The following ATP9A variants were observed in gnomAD, a reference collection of about 807,000 sequenced individuals.
ATP9A encodes ATPase phospholipid transporting 9A, also known as probable phospholipid-transporting ATPase IIA.
In ATP9A, 52 loss-of-function variants were observed where a neutral mutation model predicts 144.1. The ratio of observed to expected loss-of-function variants is 0.36; its 90% CI spans 0.29 to 0.45. The LOEUF is 0.45. Among genes scored for constraint, ATP9A ranks in the 20% least tolerant of loss-of-function variants. The pLI, the probability that ATP9A is intolerant of heterozygous loss-of-function variation, is 1.00. For missense variants in ATP9A, 947 were observed against 1,392.7 expected (o/e 0.68, Z 5.09); for synonymous variants, 582 against 557.4 (o/e 1.04, Z -0.62).
chr20:51,738,365 G>A (rs1437795939), intron 1 of ATP9A, among the ~76,000 whole-genome samples: 1 of 152,122 alleles, frequency 6.6e-6, no homozygotes, highest in Non-Finnish European at 1.5e-5. Flanking sequence ...AAATTGAACT[G>A]CATATAGATT....
chr20:51,736,569 G>T (rs964027273), intron 1 of ATP9A, among the ~76,000 whole-genome samples: 12 of 151,478 alleles, frequency 7.9e-5, no homozygotes, highest in African/African-American at 2.9e-4. Context: ...GCCCAGGCAG[G>T]TCTCGAACTC....
rs760918719 is a variant in ATP9A at position 51,676,223 on chromosome 20, A to C, written c.800-15T>G. 1.4e-5 allele frequency: 21 copies of C among 1,549,288 alleles called. No individual in the cohort carries two copies. Among genetic ancestry groups the C allele is most frequent in the Non-Finnish European group, 1.8e-5 (21 of 1,146,530 alleles). Reference sequence around the variant, plus strand: ...CACAACAGTACCTAAAATGGAAAAAAGAAAAAAAAAAAAAGAAAAGAAATA... The same window carrying C: ...CACAACAGTACCTAAAATGGAAAAACGAAAAAAAAAAAAAGAAAAGAAATA... On this transcript the variant is annotated splice_polypyrimidine_tract_variant and intron_variant, in intron 9 of 27. Transcript: ENST00000338821.
Position 51,744,282 on chromosome 20 carries a change from C to T in ATP9A, c.69-14304G>A, listed in dbSNP as rs184930782. Reference sequence around the variant, plus strand: ...CCAGGCTCAAGTGATCCTCCCATGTCAGCCTCCTGAGTAGCTGGGACTACA... The same window carrying T: ...CCAGGCTCAAGTGATCCTCCCATGTTAGCCTCCTGAGTAGCTGGGACTACA... On this transcript the variant is annotated intron_variant, in intron 1 of 27. Transcript: ENST00000338821. 3.0e-3 allele frequency among the ~76,000 whole-genome samples: 460 copies of T among 152,206 alleles called. 2 individuals carry two copies. Among genetic ancestry groups the T allele is most frequent in the African/African-American group, 0.011 (442 of 41,536 alleles).
At chr20:51,662,013 G>A (rs2077412925) in intron 13 of ATP9A, among the ~76,000 whole-genome samples, 1 of 152,188 alleles carries the variant, frequency 6.6e-6, no homozygotes, top group Non-Finnish European at 1.5e-5. Flanking sequence ...GGGGACAGGG[G>A]TACTATAGAA....
At chr20:51,648,839 T>A (rs1380369679) in intron 14 of ATP9A, among the ~76,000 whole-genome samples, 1 of 151,964 alleles carries the variant, frequency 6.6e-6, no homozygotes, top group East Asian at 1.9e-4. Flanking sequence ...CTCAAAAAAA[T>A]AAGCAAAACA....
intron 3 of ATP9A, among the ~76,000 whole-genome samples, chr20:51,718,339 CT>C (rs966738843): frequency 6.6e-6 from 1 of 150,664 alleles, no homozygotes; most frequent in African/African-American, 2.4e-5. Context: ...AGGGTAGTAG[CT>C]ACACAGGTGA....
intron 1 of ATP9A, among the ~76,000 whole-genome samples, chr20:51,755,437 T>C (rs115108762): frequency 0.015 from 2,250 of 149,740 alleles, 69 homozygotes; most frequent in African/African-American, 0.053. Context: ...TCCATCTCAA[T>C]TAAAAAAAAA....
At chr20:51,721,952 AT>A (rs1430472522) in intron 3 of ATP9A, among the ~76,000 whole-genome samples, 1 of 152,240 alleles carries the variant, frequency 6.6e-6, no homozygotes, top group African/African-American at 2.4e-5. Flanking sequence ...CTATAAGGCC[AT>A]AGTCACCAAA....
intron 15 of ATP9A, among the ~76,000 whole-genome samples, chr20:51,637,348 T>C (rs1433338607): frequency 7.0e-6 from 1 of 143,848 alleles, no homozygotes; most frequent in Non-Finnish European, 1.5e-5. Flanking sequence ...GCTATCACTG[T>C]TGAATCCTGC....
intron 9 of ATP9A, 58 bp from the exon 10 acceptor site, chr20:51,676,266 GCTTGCAAATAGAAGAGT>G: frequency 7.3e-7 from 1 of 1,361,876 alleles, no homozygotes; most frequent in Non-Finnish European, 1.0e-6. Context: ...AGACAGGCAG[GCTTGCAAATAGAAGAGT>G]CTGATCCTCT....
rs765791447 is a variant in ATP9A, at chr20:51,748,948, T to TAGATAGACAGACAGACAGAC, written c.69-18971_69-18970insGTCTGTCTGTCTGTCTATCT. ...ATAGATAGATAGATAGATAGATAGA[T>TAGATAGACAGACAGACAGAC]AGACAGACAGACAGACAGACAGACA... On this transcript the variant is annotated intron_variant, in intron 1 of 27. Coordinates refer to ENST00000338821, the MANE Select transcript of ATP9A (RefSeq NM_006045.3). Among the ~76,000 whole-genome samples the TAGATAGACAGACAGACAGAC allele has an allele frequency of 9.4e-3, 1,301 of 137,830 alleles. 7 individuals carry two copies. The highest frequency in any genetic ancestry group is 0.025 in the Middle Eastern group (7 of 278). The allele number at this position is 137,830 out of a possible 152,430, so 90.4% of individuals were successfully genotyped here. A position where few individuals can be genotyped will look rare whatever the true frequency, so the allele number is the denominator to read the frequency against.
At chr20:51,757,883 T>C (rs981051994) in intron 1 of ATP9A, among the ~76,000 whole-genome samples, 26 of 150,378 alleles carry the variant, frequency 1.7e-4, no homozygotes, top group Non-Finnish European at 2.7e-4. Context: ...GCCTGAGCAA[T>C]AGAATGAGAG....
At chr20:51,767,016 T>G (rs2077907118) in intron 1 of ATP9A, among the ~76,000 whole-genome samples, 2 of 151,570 alleles carry the variant, frequency 1.3e-5, no homozygotes, top group South Asian at 4.2e-4. Context: ...GGCCTCTTCT[T>G]CGGAGGATTC....
chr20:51,639,427 G>A lies in ATP9A; in HGVS notation c.1584C>T (p.Thr528=), dbSNP rs756181944. ...TGAAGTTCAGGATCTGGTCGCCAGGGGTCCTCAGCTGCATGGAAGACTGGT... is the reference window on the plus strand; with the variant it reads ...TGAAGTTCAGGATCTGGTCGCCAGGAGTCCTCAGCTGCATGGAAGACTGGT... ...GRDQSSMQLR[T]PGDQILNFTI... The change falls in exon 15 of 28, where the codon ACC becomes ACT. Residue 528 remains threonine, a synonymous_variant. Transcript: ENST00000338821. 1 of 1,614,028 alleles carries A rather than the reference G, an allele frequency of 6.2e-7. No homozygotes were observed. Among genetic ancestry groups the A allele is most frequent in the Non-Finnish European group, 8.5e-7 (1 of 1,179,950 alleles).
chr20:51,732,997 G>A (rs1423355392), intron 1 of ATP9A, among the ~76,000 whole-genome samples: 2 of 151,944 alleles, frequency 1.3e-5, no homozygotes, highest in Non-Finnish European at 2.9e-5. Context: ...TAGTTGTACA[G>A]TTCTAATGAA....
intron 9 of ATP9A, 100 bp downstream of exon 9, chr20:51,688,964 C>T (rs1257461182): frequency 2.1e-5 from 27 of 1,282,126 alleles, no homozygotes; most frequent in East Asian, 4.6e-5. Context: ...GCCATTTGAC[C>T]GAGCACTCAT....
chr20:51,740,128 C>T (rs1040192062), intron 1 of ATP9A, among the ~76,000 whole-genome samples: 1 of 152,098 alleles, frequency 6.6e-6, no homozygotes, highest in African/African-American at 2.4e-5. Flanking sequence ...GAGATCATAG[C>T]TCTCTGGAGC....
chr20:51,658,202 G>A (rs552542981), intron 13 of ATP9A, among the ~76,000 whole-genome samples: 1 of 152,312 alleles, frequency 6.6e-6, no homozygotes, highest in African/African-American at 2.4e-5. Context: ...GCTCACGCCT[G>A]TAATACCAGC....
At chr20:51,746,683 C>CA (rs1265833417) in intron 1 of ATP9A, among the ~76,000 whole-genome samples, 1 of 152,156 alleles carries the variant, frequency 6.6e-6, no homozygotes, top group Non-Finnish European at 1.5e-5. Flanking sequence ...ACTAAAAATA[C>CA]AAAAAATGGG....
Sources: allele counts gnomAD v4.1 joint callset (sites outside exome capture counted in the v4.1 genomes callset), GRCh38; gene constraint gnomAD v4.1.1; transcripts MANE v1.5; gene names NCBI Gene and HGNC (gene_info 2026-07-23, HGNC 2026-07-21).